Variants in CYRIB observed in about 807,000 individuals in gnomAD.
CYRIB encodes CYFIP related Rac1 interactor B, also known as CYFIP-related Rac1 interactor B.
Under a neutral mutation model 44.2 loss-of-function variants are expected in CYRIB, and 8 were observed. The ratio of observed to expected loss-of-function variants is 0.18; its 90% CI spans 0.11 to 0.33. The LOEUF (loss-of-function observed/expected upper bound fraction) is 0.33. Ranked by LOEUF, CYRIB falls within the 10% of genes least tolerant of loss-of-function variation. The pLI is 1.00. For missense variants in CYRIB, 185 were observed against 382.8 expected, an observed-to-expected ratio of 0.48 and a Z score of 4.31; for synonymous variants, 131 against 127.2, an observed-to-expected ratio of 1.03 and a Z score of -0.20.
chr8:129,883,733 A>C (rs1360056566), intron 2 of CYRIB, among the ~76,000 whole-genome samples: 1 of 152,184 alleles, frequency 6.6e-6, no homozygotes, highest in Non-Finnish European at 1.5e-5. Context: ...CAGCTGTGCC[A>C]CTTCCAAACT....
At chr8:129,979,918 C>A (rs1165244625) in intron 1 of CYRIB, among the ~76,000 whole-genome samples, 2 of 151,904 alleles carry the variant, frequency 1.3e-5, no homozygotes, top group African/African-American at 4.8e-5. Context: ...CAAGACTCCA[C>A]CTCAAAAAAT....
chr8:129,923,419 C>T (rs1319235665), intron 1 of CYRIB, among the ~76,000 whole-genome samples: 5 of 151,788 alleles, frequency 3.3e-5, no homozygotes, highest in African/African-American at 7.2e-5. Flanking sequence ...GGATTACAGG[C>T]GCTCGCCACC....
At chr8:129,900,817 T>C (rs910145522) in intron 2 of CYRIB, among the ~76,000 whole-genome samples, 1 of 152,050 alleles carries the variant, frequency 6.6e-6, no homozygotes, top group Non-Finnish European at 1.5e-5. Context: ...GTAGCTGGGA[T>C]TACAGGTGCG....
chr8:129,940,494 G>T (rs952635963), upstream of CYRIB, among the ~76,000 whole-genome samples: 3 of 152,154 alleles, frequency 2.0e-5, no homozygotes, highest in African/African-American at 7.2e-5. Context: ...CTGTTCTGGG[G>T]TCGACTCTGG....
At chr8:129,885,140 CA>C (rs2062244594) in intron 2 of CYRIB, among the ~76,000 whole-genome samples, 1 of 152,196 alleles carries the variant, frequency 6.6e-6, no homozygotes, top group African/African-American at 2.4e-5. Flanking sequence ...TTTTTCTCCT[CA>C]AGGTACTTTT....
chr8:129,943,838 ATCC>A (rs2093935827), upstream of CYRIB, among the ~76,000 whole-genome samples: 1 of 147,044 alleles, frequency 6.8e-6, no homozygotes, highest in African/African-American at 2.5e-5. Flanking sequence ...TGACCACGTG[ATCC>A]GCCCGCCTCG....
intron 5 of CYRIB, among the ~76,000 whole-genome samples, chr8:129,859,662 C>T (rs2048277162): frequency 6.6e-6 from 1 of 152,222 alleles, no homozygotes; most frequent in Non-Finnish European, 1.5e-5. Flanking sequence ...CTTCTGGTCA[C>T]TCCTCACTAT....
At chr8:129,925,725 A>C (rs186877500) in intron 1 of CYRIB, among the ~76,000 whole-genome samples, 11 of 152,296 alleles carry the variant, frequency 7.2e-5, no homozygotes, top group African/African-American at 2.4e-4. Context: ...CACCCCTGAA[A>C]ATTTCCAGGT....
chr8:129,886,539 C>T (rs2062820943), intron 2 of CYRIB, among the ~76,000 whole-genome samples: 1 of 152,098 alleles, frequency 6.6e-6, no homozygotes, highest in African/African-American at 2.4e-5. Context: ...CAGCAAAATT[C>T]CTTAAAAGGA....
intron 2 of CYRIB, chr8:129,903,065 G>A (rs2073168654): frequency 6.6e-6 from 1 of 152,304 alleles, no homozygotes; most frequent in Non-Finnish European, 1.5e-5. Flanking sequence ...TAATTCAAAG[G>A]AAAACACATA....
intron 1 of CYRIB, among the ~76,000 whole-genome samples, chr8:129,996,189 C>G (rs1346697265): frequency 6.6e-6 from 1 of 152,216 alleles, no homozygotes. Flanking sequence ...TAATTAATCA[C>G]AGCCGCTAGC....
intron 9 of CYRIB, chr8:129,849,614 T>C (rs777530136): frequency 5.7e-6 from 2 of 348,170 alleles, no homozygotes; most frequent in African/African-American, 2.1e-5. Context: ...CAGCTGATGC[T>C]GACTTGCCCC....
intron 2 of CYRIB, among the ~76,000 whole-genome samples, chr8:129,886,767 C>A (rs1670975622): frequency 6.6e-6 from 1 of 152,042 alleles, no homozygotes; most frequent in African/African-American, 2.4e-5. Context: ...CTCCTCAACA[C>A]ACTTTTATCA....
intron 2 of CYRIB, among the ~76,000 whole-genome samples, chr8:129,965,710 G>A (rs1385027004): frequency 6.6e-6 from 1 of 151,816 alleles, no homozygotes; most frequent in East Asian, 2.0e-4. Context: ...GCAGGAGAAT[G>A]GCATGAACCC....
At chr8:130,009,998 GC>G (rs2097183587) in intron 1 of CYRIB, among the ~76,000 whole-genome samples, 1 of 152,208 alleles carries the variant, frequency 6.6e-6, no homozygotes, top group Non-Finnish European at 1.5e-5. Context: ...AAAGAATGGA[GC>G]TTTTCTTCCT....
At chr8:129,918,485 C>T (rs1589722867) in intron 1 of CYRIB, among the ~76,000 whole-genome samples, 1 of 152,224 alleles carries the variant, frequency 6.6e-6, no homozygotes, top group Middle Eastern at 3.4e-3. Context: ...TAAAAAGTAA[C>T]GAATTCATAA....
intron 1 of CYRIB, among the ~76,000 whole-genome samples, chr8:129,990,040 T>G (rs1409026342): frequency 6.6e-6 from 1 of 152,080 alleles, no homozygotes; most frequent in Non-Finnish European, 1.5e-5. Context: ...TTCACATCGT[T>G]GACTTTCCGA....
chr8:129,914,360 A>G (rs78979951), intron 1 of CYRIB, among the ~76,000 whole-genome samples: 3,055 of 152,326 alleles, frequency 0.02, 34 homozygotes, highest in Middle Eastern at 0.078. Context: ...ACTGATCAAC[A>G]TAAGAGAGTG....
chr8:129,995,458 G>A (rs1386054662), intron 1 of CYRIB, among the ~76,000 whole-genome samples: 1 of 152,210 alleles, frequency 6.6e-6, no homozygotes, highest in Non-Finnish European at 1.5e-5. Context: ...TTCAGCATCA[G>A]TTACATTGTG....
Sources: gnomAD v4.1 joint callset for allele counts (sites outside exome capture counted in the v4.1 genomes callset) on GRCh38, gnomAD v4.1.1 for gene constraint, MANE v1.5 for transcripts, NCBI Gene and HGNC (gene_info 2026-07-23, HGNC 2026-07-21) for gene names.